The following FOXH1 variants were observed in gnomAD, a reference collection of about 807,000 sequenced individuals.
The protein encoded by FOXH1 is forkhead box protein H1.
Under a neutral mutation model 14.2 loss-of-function variants are expected in FOXH1, and 10 were observed. The observed-to-expected ratio is 0.70, with a 90% CI of 0.43 to 1.19. The LOEUF is 1.19. FOXH1 is among the 50% of genes most tolerant of loss of function. The pLI is 0.00. For synonymous variants in FOXH1, 273 were observed against 209.5 expected (o/e 1.30, Z -2.62); for missense variants, 643 against 492.1 (o/e 1.31, Z -2.90).
chr8:144,474,491 A>G lies in FOXH1; in HGVS notation c.845T>C (p.Leu282Ser). ...SLWGQLPTSY[L>S]PIYTPNVVMP... Reference sequence around the variant, plus strand: ...TACCACATTGGGAGTGTAGATAGGCAAGTAGGAGGTGGGCAGCTGCCCCCA... The same window carrying G: ...TACCACATTGGGAGTGTAGATAGGCGAGTAGGAGGTGGGCAGCTGCCCCCA... The change falls in exon 3 of 3, where the codon TTG (leucine) becomes TCG (serine). Residue 282 changes from leucine (L) to serine (S), a missense_variant. Leu to Ser is a moderately radical substitution (Grantham distance 145). Transcript: ENST00000377317. The G allele has an allele frequency of 1.9e-6, 3 of 1,611,434 alleles. No homozygotes were observed. The highest frequency in any genetic ancestry group is 2.5e-6 in the Non-Finnish European group (3 of 1,179,852).
At position 144,473,846 on chromosome 8, in the gene FOXH1, G is replaced by A. The variant is rs1203998128; in HGVS notation, c.*392C>T. On this transcript the variant is annotated 3_prime_UTR_variant, in exon 3 of 3. Transcript: ENST00000377317. ...AAAGGTGCTACCTCCTTTCCAGACA[G>A]ATGAGAGAGGGCAGGACTTCAGGCT... 2 of 372,408 alleles carry A rather than the reference G, an allele frequency of 5.4e-6. No individual in the cohort carries two copies. The highest frequency in any genetic ancestry group is 9.7e-6 in the Non-Finnish European group (2 of 206,064). 23.1% of individuals were successfully genotyped at this position (372,408 alleles called of 1,614,324 possible).
At chr8:144,475,406 G>A in intron 1 of FOXH1, 145 bp from the exon 2 acceptor site, 1 of 920,708 alleles carries the variant, frequency 1.1e-6, no homozygotes, top group South Asian at 1.5e-5. Flanking sequence ...CGGAAGCGCG[G>A]CAGAGAGGGC....
At position 144,475,691 on chromosome 8, in the gene FOXH1, CTT is replaced by C; in HGVS notation, c.64_65del (p.Lys22GlufsTer10). The C allele has an allele frequency of 7.0e-7, 1 of 1,423,620 alleles. No homozygotes were observed. The highest frequency in any genetic ancestry group is 9.2e-7 in the Non-Finnish European group (1 of 1,087,398). 88.2% of individuals were successfully genotyped at this position (1,423,620 alleles called of 1,614,324 possible). On this transcript the variant is annotated frameshift_variant, in exon 1 of 3. Transcript: ENST00000377317. LOFTEE classifies it high-confidence loss of function. ...PEAESPSQPP[K>X]RRKKRYLRHD... is the part of the protein sequence containing the mutation. ...GTCGCAGGTACCTCTTCTTCCTCCT[CTT>C]AGGGGGCTGGGAGGGCGACTCTGCC... is the stretch of plus-strand genomic sequence containing the variant.
chr8:144,473,446 G>A lies in FOXH1; in HGVS notation c.*792C>T, dbSNP rs753268294. 5.9e-6 allele frequency: 9 copies of A among 1,521,326 alleles called. No homozygotes were observed. The Admixed American group carries it at 8.1e-5, about 14-fold the overall frequency. 94.2% of individuals were successfully genotyped at this position (1,521,326 alleles called of 1,614,324 possible). ...AGGCCAGGTCTCTGCTGGCAGAGGCGGTAGTAAAGTCCCTGTACCCCGTCT... is the reference window on the plus strand; with the variant it reads ...AGGCCAGGTCTCTGCTGGCAGAGGCAGTAGTAAAGTCCCTGTACCCCGTCT... On this transcript the variant is annotated 3_prime_UTR_variant, in exon 3 of 3. Coordinates refer to ENST00000377317, the MANE Select transcript of FOXH1 (RefSeq NM_003923.3).
chr8:144,475,703 G>A lies in FOXH1; in HGVS notation c.54C>T (p.Ser18=). 7.0e-7 allele frequency: 1 copy of A among 1,423,508 alleles called. No individual in the cohort carries two copies. The highest frequency in any genetic ancestry group is 3.4e-5 in the Admixed American group (1 of 29,474). The allele number at this position is 1,423,508 out of a possible 1,614,324, so 88.2% of individuals were successfully genotyped here. A position where few individuals can be genotyped will look rare whatever the true frequency, so the allele number is the denominator to read the frequency against. Residue 18 remains serine, a synonymous_variant, in exon 1 of 3, where the codon TCC becomes TCT. Coordinates refer to ENST00000377317, the MANE Select transcript of FOXH1 (RefSeq NM_003923.3). ...RLGPPEAESP[S]QPPKRRKKRY... is the part of the protein sequence containing the mutation. ...TCTTCTTCCTCCTCTTAGGGGGCTG[G>A]GAGGGCGACTCTGCCTCTGGGGGCC...
At chr8:144,475,326 C>T in intron 1 of FOXH1, 65 bp from the exon 2 acceptor site, 1 of 1,350,656 alleles carries the variant, frequency 7.4e-7, no homozygotes, top group Non-Finnish European at 1.0e-6. Flanking sequence ...CGCCCTACCC[C>T]TCCCCCACTA....
Position 144,475,280 on chromosome 8 carries a change from C to G in FOXH1, c.175-19G>C, listed in dbSNP as rs749236357. The G allele has an allele frequency of 6.2e-7, 1 of 1,601,076 alleles. No homozygotes were observed. Among genetic ancestry groups the G allele is most frequent in the African/African-American group, 1.3e-5 (1 of 74,852 alleles). On this transcript the variant is annotated intron_variant, in intron 1 of 2. Coordinates refer to ENST00000377317, the MANE Select transcript of FOXH1 (RefSeq NM_003923.3). ...GGATGATCTGAAACCGCCAGGCGGC[C>G]GGCCGGCGCCGTGAGCCCAGACGGG... is the stretch of plus-strand genomic sequence containing the variant.
rs372267255 is a variant in FOXH1, at chr8:144,474,622, G to C, written c.714C>G (p.Ile238Met). 51 of 1,591,366 alleles carry C rather than the reference G, an allele frequency of 3.2e-5. No homozygotes were observed. The highest frequency in any genetic ancestry group is 4.0e-5 in the Non-Finnish European group (47 of 1,168,882). ...GCTCTGGGGAGAGGGTTGAGGGCCC[G>C]ATGGCTCCCCCCTGCACAGTCTCCC... ...VEGETVQGGA[I>M]GPSTLSPEPR... The change falls in exon 3 of 3, where the codon ATC becomes ATG. Residue 238 changes from isoleucine to methionine, a missense_variant. Ile to Met is a conservative substitution (Grantham distance 10). Coordinates refer to ENST00000377317, the MANE Select transcript of FOXH1 (RefSeq NM_003923.3).
chr8:144,473,427 G>A lies in FOXH1; in HGVS notation c.*811C>T. On this transcript the variant is annotated 3_prime_UTR_variant, in exon 3 of 3. Transcript: ENST00000377317. ...GCCCTGCCCATGGGGTCTCAGGCCA[G>A]GTCTCTGCTGGCAGAGGCGGTAGTA... is the stretch of plus-strand genomic sequence containing the variant. 4 of 1,551,414 alleles carry A rather than the reference G, an allele frequency of 2.6e-6. No homozygotes were observed. The highest frequency in any genetic ancestry group is 3.5e-6 in the Non-Finnish European group (4 of 1,154,032).
At chr8:144,475,383 G>C in intron 1 of FOXH1, 122 bp from the exon 2 acceptor site, 1 of 971,204 alleles carries the variant, frequency 1.0e-6, no homozygotes, top group Non-Finnish European at 1.6e-6. Context: ...CCCCGAAGAA[G>C]GACATTTCTG....
rs1325785911 is a variant in FOXH1 at position 144,474,390 on chromosome 8, C to CA, written c.945dup (p.Glu316Ter). ...AGCAGCCCTGGGGGCCCTCGGGTTT[C>CA]AGGGGCCACCCCCCAGTAGGCAGGG... On this transcript the variant is annotated frameshift_variant, in exon 3 of 3. Coordinates refer to ENST00000377317, the MANE Select transcript of FOXH1 (RefSeq NM_003923.3). LOFTEE classifies it high-confidence loss of function. The CA allele has an allele frequency of 6.2e-7, 1 of 1,613,108 alleles. No homozygotes were observed. The highest frequency in any genetic ancestry group is 8.5e-7 in the Non-Finnish European group (1 of 1,180,024).
Position 144,474,692 on chromosome 8 carries a change from G to A in FOXH1, c.644C>T (p.Pro215Leu), listed in dbSNP as rs1460380289. The A allele has an allele frequency of 2.6e-6, 4 of 1,537,750 alleles. No individual in the cohort carries two copies. The highest frequency in any genetic ancestry group is 2.0e-5 in the Admixed American group (1 of 50,560). Residue 215 changes from proline (P) to leucine (L), a missense_variant, in exon 3 of 3, where the codon CCT (proline) becomes CTT (leucine). Transcript: ENST00000377317. ...PTPPLPSSER[P>L]LWPLCPLPGP... ...AGGAAGGGGGCAGAGGGGCCACAGA[G>A]GCCTCTCAGAAGAGGGAAGGGGTGG...
In FOXH1 at chr8:144,474,765, G is replaced by A. The variant is rs1465674148; in HGVS notation, c.571C>T (p.Pro191Ser). ...CTGTTCCCTGTGCCTGCAGGAACTG[G>A]GCTGCTCTGTGGAGCTAGCCCCGGC... is the stretch of plus-strand genomic sequence containing the variant. ...PWPGLAPQSS[P>S]VPAGTGNSGE... is the part of the protein sequence containing the mutation. Residue 191 changes from proline (P) to serine (S), a missense_variant, in exon 3 of 3, where the codon CCA becomes TCA. Coordinates refer to ENST00000377317, the MANE Select transcript of FOXH1 (RefSeq NM_003923.3). The A allele has an allele frequency of 6.3e-7, 1 of 1,590,370 alleles. No homozygotes were observed. The highest frequency in any genetic ancestry group is 8.6e-7 in the Non-Finnish European group (1 of 1,167,278).
At position 144,474,788 on chromosome 8, in the gene FOXH1, G is replaced by A. The variant is rs200095132; in HGVS notation, c.548C>T (p.Pro183Leu). The part of the protein sequence containing the change: ...LGGSGEGAPW[P>L]GLAPQSSPVP... ...TGGGCTGCTCTGTGGAGCTAGCCCC[G>A]GCCAGGGTGCCCCCTCCCCGGACCC... Residue 183 changes from proline (P) to leucine (L), a missense_variant, in exon 3 of 3, where the codon CCG becomes CTG. Coordinates refer to ENST00000377317, the MANE Select transcript of FOXH1 (RefSeq NM_003923.3). 1.0e-4 allele frequency: 163 copies of A among 1,602,946 alleles called. 1 individual carries two copies. The highest frequency in any genetic ancestry group is 1.3e-4 in the Non-Finnish European group (154 of 1,174,328).
At position 144,473,851 on chromosome 8, in the gene FOXH1, G is replaced by A. The variant is rs921188687; in HGVS notation, c.*387C>T. ...TGCTACCTCCTTTCCAGACAGATGAGAGAGGGCAGGACTTCAGGCTGGATC... is the reference window on the plus strand; with the variant it reads ...TGCTACCTCCTTTCCAGACAGATGAAAGAGGGCAGGACTTCAGGCTGGATC... On this transcript the variant is annotated 3_prime_UTR_variant, in exon 3 of 3. Coordinates refer to ENST00000377317, the MANE Select transcript of FOXH1 (RefSeq NM_003923.3). 8.0e-6 allele frequency: 3 copies of A among 374,662 alleles called. No homozygotes were observed. Among genetic ancestry groups the A allele is most frequent in the African/African-American group, 6.2e-5 (3 of 48,418 alleles). The allele number at this position is 374,662 out of a possible 1,614,324, so 23.2% of individuals were successfully genotyped here.
Position 144,473,823 on chromosome 8 carries a change from A to G in FOXH1, c.*415T>C. Reference sequence around the variant, plus strand: ...TACTCCCTAACCCGTTTCCCGAAAAAGGTGCTACCTCCTTTCCAGACAGAT... The same window carrying G: ...TACTCCCTAACCCGTTTCCCGAAAAGGGTGCTACCTCCTTTCCAGACAGAT... On this transcript the variant is annotated 3_prime_UTR_variant, in exon 3 of 3. Coordinates refer to ENST00000377317, the MANE Select transcript of FOXH1 (RefSeq NM_003923.3). 2 of 349,392 alleles carry G rather than the reference A, an allele frequency of 5.7e-6. No homozygotes were observed. The highest frequency in any genetic ancestry group is 6.3e-5 in the South Asian group (1 of 15,870). The allele number at this position is 349,392 out of a possible 1,614,324, so 21.6% of individuals were successfully genotyped here.
At position 144,475,758 on chromosome 8, in the gene FOXH1, C is replaced by T. The variant is rs1029313710; in HGVS notation, c.-2G>A. 4.9e-5 allele frequency: 69 copies of T among 1,394,018 alleles called. No individual in the cohort carries two copies. The highest frequency in any genetic ancestry group is 6.2e-5 in the Non-Finnish European group (66 of 1,072,204). The allele number at this position is 1,394,018 out of a possible 1,614,324, so 86.4% of individuals were successfully genotyped here. The stretch of plus-strand genomic sequence containing the variant: ...GCGGGAGCCGCTGCAGGGCCCCATG[C>T]GGGACGGTAGACAGCGTGGGCAGGG... On this transcript the variant is annotated 5_prime_UTR_variant, in exon 1 of 3. Transcript: ENST00000377317.
Position 144,475,215 on chromosome 8 carries a change from T to C in FOXH1, c.221A>G (p.Tyr74Cys). 6.2e-7 allele frequency: 1 copy of C among 1,613,590 alleles called. No homozygotes were observed. Among genetic ancestry groups the C allele is most frequent in the Non-Finnish European group, 8.5e-7 (1 of 1,179,882 alleles). The change falls in exon 2 of 3, where the codon TAC (tyrosine) becomes TGC (cysteine). Residue 74 changes from tyrosine (Y) to cysteine (C), a missense_variant. Coordinates refer to ENST00000377317, the MANE Select transcript of FOXH1 (RefSeq NM_003923.3). ...GCGAATGGAGTCTTTCCAGCCCTCG[T>C]AGTCTTCCCTGAAGAAGGGGAACAC... ...QAVFPFFRED[Y>C]EGWKDSIRHN...
rs751716003 is a variant in FOXH1, at chr8:144,475,140, A to C, written c.279+17T>G. 3.1e-5 allele frequency: 50 copies of C among 1,611,936 alleles called. No individual in the cohort carries two copies. The highest frequency in any genetic ancestry group is 6.7e-5 in the Admixed American group (4 of 59,902). ...GCGCGCGCTCCGCCCCCGGGCTCCG[A>C]CCCTGGCCTGCCCCACCTTGCGGAA... is the stretch of plus-strand genomic sequence containing the variant. On this transcript the variant is annotated intron_variant, in intron 2 of 2. Transcript: ENST00000377317.
Sources: gnomAD v4.1 joint callset for allele counts on GRCh38, gnomAD v4.1.1 for gene constraint, MANE v1.5 for transcripts, NCBI Gene and HGNC (gene_info 2026-07-23, HGNC 2026-07-21) for gene names.